Variants in PSPH observed in about 807,000 individuals in gnomAD.
The protein encoded by PSPH is phosphoserine phosphatase.
Under a neutral mutation model 23.4 loss-of-function variants are expected in PSPH, and 16 were observed. That is an observed-to-expected ratio of 0.68 (90% CI 0.46 to 1.04). PSPH has a LOEUF of 1.04. Among genes scored for constraint, PSPH ranks in the 50% least tolerant of loss-of-function variants. PSPH has a pLI of 0.00. For synonymous variants in PSPH, 68 were observed against 99.7 expected, an observed-to-expected ratio of 0.68 and a Z score of 1.89; for missense variants, 223 against 273.7, an observed-to-expected ratio of 0.81 and a Z score of 1.31.
intron 1 of PSPH, among the ~76,000 whole-genome samples, chr7:56,041,167 C>A (rs1175378421): frequency 6.6e-6 from 1 of 151,546 alleles, no homozygotes; most frequent in East Asian, 1.9e-4. Flanking sequence ...AATGCAAGAC[C>A]AGCTTGATTA....
In PSPH at chr7:56,011,570, A is replaced by G. The variant is rs2116420898; in HGVS notation, c.*192T>C. ...TCTCCAGGAAATCAATAGTCATCAT[A>G]TAATACTGGAACTACAGTTAAAAAA... is the stretch of plus-strand genomic sequence containing the variant. On this transcript the variant is annotated 3_prime_UTR_variant, in exon 8 of 8. Transcript: ENST00000275605. 2.1e-6 allele frequency: 1 copy of G among 478,750 alleles called. No individual in the cohort carries two copies. The highest frequency in any genetic ancestry group is 3.7e-5 in the East Asian group (1 of 26,824). The allele number at this position is 478,750 out of a possible 1,614,324, so 29.7% of individuals were successfully genotyped here. A position where few individuals can be genotyped will look rare whatever the true frequency, so the allele number is the denominator to read the frequency against.
intron 1 of PSPH, among the ~76,000 whole-genome samples, chr7:56,043,684 C>CA (rs1008752188): frequency 4.0e-5 from 2 of 50,542 alleles, no homozygotes; most frequent in African/African-American, 7.9e-5. Flanking sequence ...TACAATAAAA[C>CA]AAAAAAAATT....
intron 3 of PSPH, among the ~76,000 whole-genome samples, chr7:56,027,569 C>A (rs1790379109): frequency 6.6e-6 from 1 of 151,480 alleles, no homozygotes; most frequent in African/African-American, 2.4e-5. Context: ...TGCCTGTAAT[C>A]CCAGCTACTC....
In PSPH at chr7:56,015,139, T is replaced by C. The variant is rs747105516; in HGVS notation, c.454A>G (p.Thr152Ala). The change falls in exon 7 of 8, where the codon ACA becomes GCA. Residue 152 changes from threonine to alanine, a missense_variant. Physicochemically the swap from Thr to Ala is moderately conservative, Grantham distance 58 (BLOSUM62 0). Coordinates refer to ENST00000275605, the MANE Select transcript of PSPH (RefSeq NM_004577.4). ...TTTCCTTTTCCACCAGATTCAGCTGTTGGCTGCGTCTCATCAAAACCTGCA... is the reference window on the plus strand; with the variant it reads ...TTTCCTTTTCCACCAGATTCAGCTGCTGGCTGCGTCTCATCAAAACCTGCA... ...EYAGFDETQPTAESGGKGKVI... is the reference protein window; with the variant it reads ...EYAGFDETQPAAESGGKGKVI... The C allele has an allele frequency of 6.2e-7, 1 of 1,614,094 alleles. No homozygotes were observed. The highest frequency in any genetic ancestry group is 1.1e-5 in the South Asian group (1 of 91,076).
chr7:56,027,960 G>A (rs1158200917), intron 3 of PSPH, among the ~76,000 whole-genome samples: 2 of 149,188 alleles, frequency 1.3e-5, no homozygotes, highest in Non-Finnish European at 3.0e-5. Context: ...TCAAGAGCCT[G>A]TGGTGGGAGG....
intron 1 of PSPH, among the ~76,000 whole-genome samples, chr7:56,044,218 A>G (rs1240436790): frequency 6.6e-6 from 1 of 152,182 alleles, no homozygotes; most frequent in Admixed American, 6.6e-5. Context: ...CTGGGATTAC[A>G]GGCATGAGCC....
Position 56,050,351 on chromosome 7 carries a change from C to A in PSPH, c.-292+787G>T, listed in dbSNP as rs948403504. Among the ~76,000 whole-genome samples, 3 of 152,004 alleles carry A rather than the reference C, an allele frequency of 2.0e-5. No individual in the cohort carries two copies. In the East Asian group the frequency reaches 5.8e-4, roughly 29 times the overall value. On this transcript the variant is annotated intron_variant, in intron 1 of 7. Transcript: ENST00000275605. Reference sequence around the variant, plus strand: ...CAAGATCATAGCTGACTGCAACCTCCACCTCCCAGATTCCAGCAATCCTCC... The same window carrying A: ...CAAGATCATAGCTGACTGCAACCTCAACCTCCCAGATTCCAGCAATCCTCC...
At chr7:56,027,802 A>T (rs1233523558) in intron 3 of PSPH, among the ~76,000 whole-genome samples, 2 of 150,474 alleles carry the variant, frequency 1.3e-5, no homozygotes, top group South Asian at 2.1e-4. Context: ...TAATAATCCC[A>T]GCACTTTGGG....
At chr7:56,048,720 C>A (rs780902611) in intron 1 of PSPH, among the ~76,000 whole-genome samples, 2 of 151,564 alleles carry the variant, frequency 1.3e-5, no homozygotes, top group African/African-American at 4.9e-5. Context: ...CTGCAACCTC[C>A]GCCTCCTGGG....
intron 3 of PSPH, among the ~76,000 whole-genome samples, chr7:56,030,929 G>A (rs1471790988): frequency 6.8e-6 from 1 of 147,394 alleles, no homozygotes; most frequent in African/African-American, 2.5e-5. Flanking sequence ...AAAAACTGAG[G>A]GGCCGGGCGC....
At chr7:56,037,314 G>A (rs1791847554) in intron 1 of PSPH, among the ~76,000 whole-genome samples, 1 of 151,970 alleles carries the variant, frequency 6.6e-6, no homozygotes, top group Non-Finnish European at 1.5e-5. Context: ...ACAGCATAAT[G>A]AAGGTGTAAT....
At chr7:56,042,218 C>CAAAA (rs34436132) in intron 1 of PSPH, among the ~76,000 whole-genome samples, 5 of 66,416 alleles carry the variant, frequency 7.5e-5, no homozygotes, top group Admixed American at 4.8e-4. Flanking sequence ...GATTCTGTCT[C>CAAAA]AAAAAAAAAA....
intron 1 of PSPH, among the ~76,000 whole-genome samples, chr7:56,046,425 C>G (rs1057464435): frequency 1.3e-5 from 2 of 151,868 alleles, no homozygotes; most frequent in Admixed American, 6.6e-5. Flanking sequence ...GAGATGGGGT[C>G]TCACCATGTT....
rs576222376 is a variant in PSPH, at chr7:56,024,127, C to T, written c.-19-2896G>A. ...TATTTTTAGTAGAGACGGGGTTTCA[C>T]CGTGGTCTCGATCTCCTGACCTCGT... is the stretch of plus-strand genomic sequence containing the variant. On this transcript the variant is annotated intron_variant, in intron 3 of 7. Transcript: ENST00000275605. Among the ~76,000 whole-genome samples, 38 of 151,702 alleles carry T rather than the reference C, an allele frequency of 2.5e-4. 1 individual carries two copies. In the South Asian group the frequency reaches 7.5e-3, roughly 30 times the overall value.
At chr7:56,040,449 C>T (rs1160228900) in intron 1 of PSPH, among the ~76,000 whole-genome samples, 2 of 151,630 alleles carry the variant, frequency 1.3e-5, no homozygotes, top group African/African-American at 2.4e-5. Context: ...GCTGGAGTTC[C>T]GTGGTGTAAT....
At chr7:56,045,054 A>G (rs1233365477) in intron 1 of PSPH, among the ~76,000 whole-genome samples, 2 of 147,438 alleles carry the variant, frequency 1.4e-5, no homozygotes, top group Non-Finnish European at 3.0e-5. Flanking sequence ...CCTGGGCAAC[A>G]AGAGTGAAAC....
chr7:56,015,911 G>A (rs1313936986), intron 6 of PSPH, among the ~76,000 whole-genome samples: 2 of 149,638 alleles, frequency 1.3e-5, no homozygotes, highest in Admixed American at 6.7e-5. Flanking sequence ...GACTTGCCTC[G>A]GCCTCCCAAA....
rs1191483384 is a variant in PSPH, at chr7:56,040,898, G to C, written c.-291-6792C>G. ...CAGGGATACAAAGAACTGAGGGCAA[G>C]CCTCAATCAAGCAGAAAGGGAGTGG... On this transcript the variant is annotated intron_variant, in intron 1 of 7. Coordinates refer to ENST00000275605, the MANE Select transcript of PSPH (RefSeq NM_004577.4). Among the ~76,000 whole-genome samples the C allele has an allele frequency of 4.6e-5, 7 of 152,178 alleles. No homozygotes were observed. The East Asian group carries it at 1.4e-3, about 30-fold the overall frequency.
intron 3 of PSPH, among the ~76,000 whole-genome samples, chr7:56,029,304 G>T (rs1043832702): frequency 6.6e-6 from 1 of 151,952 alleles, no homozygotes; most frequent in African/African-American, 2.4e-5. Flanking sequence ...TTCGTATTTG[G>T]CTCTAACAGG....
Sources: gnomAD v4.1 joint callset for allele counts (sites outside exome capture counted in the v4.1 genomes callset) on GRCh38, gnomAD v4.1.1 for gene constraint, MANE v1.5 for transcripts, NCBI Gene and HGNC (gene_info 2026-07-23, HGNC 2026-07-21) for gene names.